Variants in RERE observed in about 807,000 individuals in gnomAD.
The protein encoded by RERE is arginine-glutamic acid dipeptide repeats, also known as arginine-glutamic acid dipeptide repeats protein.
Under a neutral mutation model 146.1 loss-of-function variants are expected in RERE, and 40 were observed. The ratio of observed to expected loss-of-function variants is 0.27; its 90% CI spans 0.21 to 0.36. The LOEUF is 0.36. RERE is among the 10% of genes least tolerant of loss of function. The pLI, the probability that RERE is intolerant of heterozygous loss-of-function variation, is 1.00. For synonymous variants in RERE, 1,003 were observed against 866.0 expected (o/e 1.16, Z -2.78); for missense variants, 1,933 against 2,138.7 (o/e 0.90, Z 1.90).
chr1:8,595,062 G>A (rs1280618502), intron 4 of RERE, among the ~76,000 whole-genome samples: 1 of 151,674 alleles, frequency 6.6e-6, no homozygotes, highest in East Asian at 1.9e-4. Flanking sequence ...TCAAAAGGCT[G>A]AGGCAGGAGG....
chr1:8,711,515 T>A (rs1382156402), intron 1 of RERE, among the ~76,000 whole-genome samples: 1 of 152,158 alleles, frequency 6.6e-6, no homozygotes, highest in East Asian at 1.9e-4. Context: ...ACTGTGCAGA[T>A]CAAATTATTA....
intron 2 of RERE, among the ~76,000 whole-genome samples, chr1:8,641,514 A>C (rs1351539164): frequency 1.3e-5 from 2 of 152,216 alleles, no homozygotes; most frequent in African/African-American, 4.8e-5. Flanking sequence ...GTAAATATAA[A>C]TCTTGTTGCA....
intron 2 of RERE, among the ~76,000 whole-genome samples, chr1:8,628,031 C>T (rs1303003196): frequency 5.3e-5 from 8 of 152,140 alleles, no homozygotes; most frequent in African/African-American, 1.7e-4. Flanking sequence ...ACCGGACATA[C>T]GGAATGACCA....
chr1:8,771,231 A>G (rs1640942408), intron 1 of RERE, among the ~76,000 whole-genome samples: 1 of 152,096 alleles, frequency 6.6e-6, no homozygotes, highest in South Asian at 2.1e-4. Context: ...GATTAGAACT[A>G]TTAGAAACTG....
rs13596 is a variant in RERE at position 8,361,143 on chromosome 1, T to A, written c.2364A>T (p.Pro788=). Residue 788 remains proline, a synonymous_variant, in exon 18 of 23, where the codon CCA becomes CCT. Coordinates refer to ENST00000400908, the MANE Select transcript of RERE (RefSeq NM_001042681.2). The part of the protein sequence containing the change: ...SPTASQAPNQ[P]QAPTAPVPHT... The stretch of plus-strand genomic sequence containing the variant: ...GGGGAACAGGCGCTGTGGGAGCCTG[T>A]GGCTGGTTAGGGGCCTGGGAGGCCG... The A allele has an allele frequency of 1.4e-6, 2 of 1,443,220 alleles. No homozygotes were observed. Among genetic ancestry groups the A allele is most frequent in the South Asian group, 1.5e-5 (1 of 68,612 alleles). The allele number at this position is 1,443,220 out of a possible 1,614,324, so 89.4% of individuals were successfully genotyped here.
chr1:8,704,713 T>A (rs1469509148), intron 1 of RERE, among the ~76,000 whole-genome samples: 1 of 152,208 alleles, frequency 6.6e-6, no homozygotes, highest in African/African-American at 2.4e-5. Context: ...ACTCTGCTGG[T>A]CTCTCTTTAA....
At chr1:8,702,891 G>A (rs1639483346) in intron 1 of RERE, among the ~76,000 whole-genome samples, 1 of 152,096 alleles carries the variant, frequency 6.6e-6, no homozygotes, top group Non-Finnish European at 1.5e-5. Context: ...CTGACTCCCC[G>A]TTCCTGGAAA....
intron 4 of RERE, among the ~76,000 whole-genome samples, chr1:8,600,561 A>G (rs1451580797): frequency 6.6e-6 from 1 of 152,130 alleles, no homozygotes; most frequent in Non-Finnish European, 1.5e-5. Flanking sequence ...AGCCAGGGGG[A>G]AGTGATAGCG....
At chr1:8,670,564 G>C (rs900856100) in intron 1 of RERE, among the ~76,000 whole-genome samples, 30 of 152,338 alleles carry the variant, frequency 2.0e-4, no homozygotes, top group East Asian at 1.9e-4. Context: ...TGGCCATGGA[G>C]AGGTCATCAA....
At position 8,371,231 on chromosome 1, in the gene RERE, G is replaced by A. The variant is rs181775980; in HGVS notation, c.1285-5257C>T. ...TCTCTCCTTTCCTTTTTCTTTTGGC[G>A]GTGGGGGGGCTAAATTTTTCCCACA... On this transcript the variant is annotated intron_variant, in intron 12 of 22. Transcript: ENST00000400908. 1.6e-3 allele frequency among the ~76,000 whole-genome samples: 250 copies of A among 152,208 alleles called. 1 individual carries two copies. The highest frequency in any genetic ancestry group is 4.9e-3 in the African/African-American group (203 of 41,522).
intron 12 of RERE, among the ~76,000 whole-genome samples, chr1:8,420,082 T>G (rs1290542804): frequency 6.6e-6 from 1 of 152,196 alleles, no homozygotes; most frequent in Non-Finnish European, 1.5e-5. Context: ...CAATGCCCAA[T>G]CAGGCATGTT....
rs886196440 is a variant in RERE at position 8,364,108 on chromosome 1, T to C, written c.1688A>G (p.Asp563Gly). Residue 563 changes from aspartate to glycine, a missense_variant, in exon 15 of 23, where the codon GAT (aspartate) becomes GGT (glycine). Coordinates refer to ENST00000400908, the MANE Select transcript of RERE (RefSeq NM_001042681.2). The surrounding 1 kb of genome is among the most constrained non-coding windows in gnomAD (Gnocchi z 5.1). ...PFMFKPVKEE[D>G]DGLSGKHSMR... ...GCTATGCTTCCCACTGAGCCCATCA[T>C]CCTCTTCCTTGACGGGTTTGAACAT... The C allele has an allele frequency of 2.9e-5, 47 of 1,614,032 alleles. No homozygotes were observed. The highest frequency in any genetic ancestry group is 3.8e-5 in the Non-Finnish European group (45 of 1,180,036).
intron 12 of RERE, among the ~76,000 whole-genome samples, chr1:8,419,053 C>T (rs1643852988): frequency 6.6e-6 from 1 of 152,160 alleles, no homozygotes; most frequent in African/African-American, 2.4e-5. Flanking sequence ...TAAAATGCTC[C>T]ACCCGTATTC....
chr1:8,534,879 A>C (rs748832969), intron 7 of RERE, among the ~76,000 whole-genome samples: 2 of 152,246 alleles, frequency 1.3e-5, no homozygotes, highest in Non-Finnish European at 1.5e-5. Flanking sequence ...AGGATACAGA[A>C]GAAAAGAACA....
At chr1:8,727,394 A>G (rs545493601) in intron 1 of RERE, among the ~76,000 whole-genome samples, 11 of 152,274 alleles carry the variant, frequency 7.2e-5, no homozygotes, top group African/African-American at 2.4e-4. Flanking sequence ...CGCCCGCCTC[A>G]GCCTCTTAAA....
chr1:8,512,126 C>T (rs1166295137), intron 7 of RERE, among the ~76,000 whole-genome samples: 20 of 145,176 alleles, frequency 1.4e-4, no homozygotes, highest in Admixed American at 9.8e-4. Context: ...CTCCGCTTCC[C>T]GGGTTCACGC....
intron 4 of RERE, among the ~76,000 whole-genome samples, chr1:8,603,306 A>G (rs886602794): frequency 6.6e-6 from 1 of 152,262 alleles, no homozygotes; most frequent in African/African-American, 2.4e-5. Flanking sequence ...AAACAAAGGC[A>G]AAGTCACTTC....
At chr1:8,489,164 T>C (rs142998838) in intron 10 of RERE, among the ~76,000 whole-genome samples, 2 of 151,938 alleles carry the variant, frequency 1.3e-5, no homozygotes, top group East Asian at 1.9e-4. Flanking sequence ...GGAAACATAG[T>C]GAGGCCCTGT....
At chr1:8,698,806 C>A (rs1213511068) in intron 1 of RERE, among the ~76,000 whole-genome samples, 1 of 152,184 alleles carries the variant, frequency 6.6e-6, no homozygotes, top group Non-Finnish European at 1.5e-5. Flanking sequence ...ACGTGAGCCA[C>A]TGCACCTGGC....
Sources: allele counts gnomAD v4.1 joint callset (sites outside exome capture counted in the v4.1 genomes callset), GRCh38; gene constraint gnomAD v4.1.1; non-coding constraint Gnocchi (gnomAD v3.1); transcripts MANE v1.5; gene names NCBI Gene and HGNC (gene_info 2026-07-23, HGNC 2026-07-21).